MR1: variants seen among roughly 807,000 people sequenced by gnomAD.
MR1 encodes major histocompatibility complex class I-related protein 1.
Under a neutral mutation model 37.8 loss-of-function variants are expected in MR1, and 44 were observed. That is an observed-to-expected ratio of 1.16 (90% confidence interval 0.91 to 1.50). The LOEUF is 1.50. Among genes scored for constraint, MR1 ranks in the 40% most tolerant of loss-of-function variants. The probability of loss-of-function intolerance (pLI) is 0.00; values close to 1 mark genes in which losing one functional copy is unlikely to be tolerated. For synonymous variants in MR1, 153 were observed against 155.8 expected (o/e 0.98, Z 0.13); for missense variants, 386 against 419.1 (o/e 0.92, Z 0.69).
chr1:181,052,315 C>T lies in MR1; in HGVS notation c.685C>T (p.Pro229Ser). ...CTTCTGCAAAGCTCATGGCTTTTAC[C>T]CCCCAGAAATTTACATGACATGGAT... ...ALFCKAHGFYPPEIYMTWMKN... is the reference protein window; with the variant it reads ...ALFCKAHGFYSPEIYMTWMKN... The change falls in exon 4 of 6, where the codon CCC becomes TCC. Residue 229 changes from proline (P) to serine (S), a missense_variant. Pro to Ser is a moderately conservative substitution (Grantham distance 74). Transcript: ENST00000367580. The T allele has an allele frequency of 1.9e-6, 3 of 1,614,132 alleles. No homozygotes were observed. The highest frequency in any genetic ancestry group is 2.5e-6 in the Non-Finnish European group (3 of 1,180,028).
intron 4 of MR1, 113 bp from the exon 5 acceptor site, chr1:181,053,460 C>T: frequency 1.4e-6 from 1 of 703,048 alleles, no homozygotes; most frequent in Non-Finnish European, 2.5e-6. Flanking sequence ...TGAGAAGCAA[C>T]AGTAAGGAAA....
chr1:181,060,245 G>A lies in MR1; in HGVS notation c.*4980G>A, dbSNP rs1658838735. The A allele has an allele frequency of 6.6e-6, 1 of 152,116 alleles. No homozygotes were observed. Among genetic ancestry groups the A allele is most frequent in the Middle Eastern group, 3.2e-3 (1 of 316 alleles). The allele number at this position is 152,116 out of a possible 1,614,324, so 9.4% of individuals were successfully genotyped here. On this transcript the variant is annotated 3_prime_UTR_variant, in exon 6 of 6. Transcript: ENST00000367580. The stretch of plus-strand genomic sequence containing the variant: ...ATTTCCTTTTTTCATGAGGCCATCA[G>A]TCATACTGGATTAGGGACCCACTCT...
At chr1:181,034,971 C>G (rs1403076877) in intron 1 of MR1, among the ~76,000 whole-genome samples, 1 of 152,088 alleles carries the variant, frequency 6.6e-6, no homozygotes, top group East Asian at 1.9e-4. Context: ...AACAAAATTG[C>G]ATGTGTACAT....
chr1:181,040,517 T>G (rs910536718), intron 1 of MR1, among the ~76,000 whole-genome samples: 11 of 152,120 alleles, frequency 7.2e-5, no homozygotes, highest in African/African-American at 2.7e-4. Context: ...AGAGGTAACA[T>G]TTTAAAGGCC....
In MR1 at chr1:181,059,254, C is replaced by G. The variant is rs1188499011; in HGVS notation, c.*3989C>G. Reference sequence around the variant, plus strand: ...TCCACTGCCTGAGCTGCCTTCACCTCTCTTTCTTTGGAAATTGCCATCTTT... The same window carrying G: ...TCCACTGCCTGAGCTGCCTTCACCTGTCTTTCTTTGGAAATTGCCATCTTT... On this transcript the variant is annotated 3_prime_UTR_variant, in exon 6 of 6. Transcript: ENST00000367580. 1 of 152,176 alleles carries G rather than the reference C, an allele frequency of 6.6e-6. No homozygotes were observed. The highest frequency in any genetic ancestry group is 1.5e-5 in the Non-Finnish European group (1 of 68,064). The allele number at this position is 152,176 out of a possible 1,614,324, so 9.4% of individuals were successfully genotyped here.
upstream of MR1, among the ~76,000 whole-genome samples, chr1:181,033,651 A>C (rs1657123464): frequency 6.6e-6 from 1 of 152,126 alleles, no homozygotes; most frequent in South Asian, 2.1e-4. Flanking sequence ...CTTAAGCAAA[A>C]TTCTAAGCTC....
At position 181,061,609 on chromosome 1, in the gene MR1, A is replaced by G. The variant is rs1228485292; in HGVS notation, c.*6344A>G. The G allele has an allele frequency of 6.6e-6, 1 of 152,248 alleles. No homozygotes were observed. Among genetic ancestry groups the G allele is most frequent in the East Asian group, 1.9e-4 (1 of 5,208 alleles). 9.4% of individuals were successfully genotyped at this position (152,248 alleles called of 1,614,324 possible). On this transcript the variant is annotated 3_prime_UTR_variant, in exon 6 of 6. Transcript: ENST00000367580. ...AAAATTCCCTGGAAGATGTTACATA[A>G]TCCTATCATGGTGTTTATTTATGGA... is the stretch of plus-strand genomic sequence containing the variant.
chr1:181,046,367 T>C (rs1657868590), intron 1 of MR1, among the ~76,000 whole-genome samples: 2 of 152,122 alleles, frequency 1.3e-5, no homozygotes, highest in Admixed American at 1.3e-4. Flanking sequence ...ACTCTGTATC[T>C]AGCTCAAGGT....
At chr1:181,045,018 C>T (rs543644976) in intron 1 of MR1, among the ~76,000 whole-genome samples, 3 of 152,212 alleles carry the variant, frequency 2.0e-5, no homozygotes, top group African/African-American at 2.4e-5. Flanking sequence ...ACTTGGTCTT[C>T]GAAGCCATAC....
rs763691520 is a variant in MR1, at chr1:181,055,313, T to C, written c.*48T>C. On this transcript the variant is annotated 3_prime_UTR_variant, in exon 6 of 6. Transcript: ENST00000367580. ...TCTCCTTCCTCTAGGAGCCATGTTA[T>C]CCTCTGTCCCCCATAGAGTCAAGCC... 27 of 1,548,076 alleles carry C rather than the reference T, an allele frequency of 1.7e-5. No homozygotes were observed. Among genetic ancestry groups the C allele is most frequent in the Non-Finnish European group, 2.3e-5 (26 of 1,120,630 alleles).
At position 181,055,554 on chromosome 1, in the gene MR1, T is replaced by C; in HGVS notation, c.*289T>C. ...CGCTTCCCTACATTCTATTTGTCAA[T>C]GATGATTTGCAACTAGTTGGAGATT... On this transcript the variant is annotated 3_prime_UTR_variant, in exon 6 of 6. Transcript: ENST00000367580. 2.3e-6 allele frequency: 1 copy of C among 430,492 alleles called. No individual in the cohort carries two copies. Among genetic ancestry groups the C allele is most frequent in the Non-Finnish European group, 4.1e-6 (1 of 244,578 alleles). The allele number at this position is 430,492 out of a possible 1,614,324, so 26.7% of individuals were successfully genotyped here. A position where few individuals can be genotyped will look rare whatever the true frequency, so the allele number is the denominator to read the frequency against.
At chr1:181,048,658 A>G (rs1193751487) in intron 1 of MR1, among the ~76,000 whole-genome samples, 2 of 152,208 alleles carry the variant, frequency 1.3e-5, no homozygotes, top group South Asian at 2.1e-4. Flanking sequence ...TAAAAGAAGA[A>G]GGCTGCGTCA....
intron 1 of MR1, among the ~76,000 whole-genome samples, chr1:181,043,612 G>C (rs1012400832): frequency 6.6e-6 from 1 of 152,140 alleles, no homozygotes; most frequent in Admixed American, 6.5e-5. Context: ...TGAGGTGAGA[G>C]GACCACTTAA....
At chr1:181,034,186 C>T (rs1007244483) in intron 1 of MR1, 112 bp downstream of exon 1, 16 of 940,652 alleles carry the variant, frequency 1.7e-5, no homozygotes, top group African/African-American at 3.5e-5. Flanking sequence ...GGGGCAGAAA[C>T]GTGTATGTAT....
In MR1 at chr1:181,060,669, C is replaced by T. The variant is rs10158612; in HGVS notation, c.*5404C>T. ...GTTCTCTTCCATTTATAAGACTCAC[C>T]CCTCCATCCCAACCCCTGCACCACA... is the stretch of plus-strand genomic sequence containing the variant. On this transcript the variant is annotated 3_prime_UTR_variant, in exon 6 of 6. Transcript: ENST00000367580. The T allele has an allele frequency of 0.21, 32,034 of 152,034 alleles. 3,879 individuals carry two copies. Among genetic ancestry groups the T allele is most frequent in the East Asian group, 0.33 (1,700 of 5,180 alleles). The allele number at this position is 152,034 out of a possible 1,614,324, so 9.4% of individuals were successfully genotyped here.
In MR1 at chr1:181,052,371, TGATTATG is replaced by T. The variant is rs1658369107; in HGVS notation, c.744_750del (p.Asp248GlufsTer52). The T allele has an allele frequency of 6.2e-7, 1 of 1,614,090 alleles. No individual in the cohort carries two copies. Among genetic ancestry groups the T allele is most frequent in the African/African-American group, 1.3e-5 (1 of 74,998 alleles). On this transcript the variant is annotated frameshift_variant, in exon 4 of 6. Coordinates refer to ENST00000367580, the MANE Select transcript of MR1 (RefSeq NM_001385161.1). LOFTEE classifies it high-confidence loss of function. ...ACGGGGAAGAAATTGTCCAAGAAAT[TGATTATG>T]GAGACATTCTTCCCAGTGGGGATGG... is the stretch of plus-strand genomic sequence containing the variant.
intron 1 of MR1, among the ~76,000 whole-genome samples, chr1:181,035,294 G>A (rs779605678): frequency 6.6e-6 from 1 of 151,898 alleles, no homozygotes; most frequent in East Asian, 1.9e-4. Flanking sequence ...CCGAGATCAT[G>A]CCACTGCACT....
chr1:181,061,627 T>C lies in MR1; in HGVS notation c.*6362T>C, dbSNP rs1377961581. On this transcript the variant is annotated 3_prime_UTR_variant, in exon 6 of 6. Coordinates refer to ENST00000367580, the MANE Select transcript of MR1 (RefSeq NM_001385161.1). ...TTACATAATCCTATCATGGTGTTTA[T>C]TTATGGAAATCTATTTTAAAAATTT... 6.6e-6 allele frequency: 1 copy of C among 152,266 alleles called. No individual in the cohort carries two copies. Among genetic ancestry groups the C allele is most frequent in the Non-Finnish European group, 1.5e-5 (1 of 68,044 alleles). The allele number at this position is 152,266 out of a possible 1,614,324, so 9.4% of individuals were successfully genotyped here.
chr1:181,051,073 A>G (rs1298527530), intron 3 of MR1: 1 of 152,090 alleles, frequency 6.6e-6, no homozygotes, highest in East Asian at 1.9e-4. Context: ...CTTTTAGTTC[A>G]TATAGAACTT....
Sources: gnomAD v4.1 joint callset for allele counts (sites outside exome capture counted in the v4.1 genomes callset) on GRCh38, gnomAD v4.1.1 for gene constraint, MANE v1.5 for transcripts, NCBI Gene and HGNC (gene_info 2026-07-23, HGNC 2026-07-21) for gene names.